SNX29: variants seen among roughly 807,000 people sequenced by gnomAD.
SNX29 encodes the protein sorting nexin 29.
Under a neutral mutation model 102.1 loss-of-function variants are expected in SNX29, and 78 were observed. That is an observed-to-expected ratio of 0.76 (90% confidence interval 0.64 to 0.92). The LOEUF is 0.92. Ranked by LOEUF, SNX29 falls within the 40% of genes least tolerant of loss-of-function variation. SNX29 has a pLI of 0.00. For missense variants in SNX29, 1,280 were observed against 1,061.7 expected (o/e 1.21, Z -2.86); for synonymous variants, 580 against 414.5 (o/e 1.40, Z -4.85).
At chr16:12,508,591 C>T (rs576902417) in intron 19 of SNX29, among the ~76,000 whole-genome samples, 1 of 152,350 alleles carries the variant, frequency 6.6e-6, no homozygotes, top group South Asian at 2.1e-4. Flanking sequence ...CAGAGCTGGC[C>T]CTGCGAGCTC....
chr16:12,536,047 C>G (rs1478545520), intron 20 of SNX29, among the ~76,000 whole-genome samples: 1 of 152,108 alleles, frequency 6.6e-6, no homozygotes, highest in Non-Finnish European at 1.5e-5. Context: ...TGCCCATGAG[C>G]TGAGCCCTTT....
intron 15 of SNX29, among the ~76,000 whole-genome samples, chr16:12,305,774 T>G (rs1330738182): frequency 1.3e-5 from 2 of 152,220 alleles, no homozygotes; most frequent in African/African-American, 4.8e-5. Context: ...ATTATAATTC[T>G]CTGGGCTTTG....
At chr16:12,106,413 C>T (rs547440675) in intron 11 of SNX29, among the ~76,000 whole-genome samples, 1 of 152,246 alleles carries the variant, frequency 6.6e-6, no homozygotes, top group South Asian at 2.1e-4. Context: ...ACGTGTCCAT[C>T]ACATGCACAT....
At chr16:12,563,511 C>G (rs1157495640) in intron 20 of SNX29, among the ~76,000 whole-genome samples, 1 of 152,266 alleles carries the variant, frequency 6.6e-6, no homozygotes, top group South Asian at 2.1e-4. Context: ...GAGACTCCTC[C>G]CCGCATGTGA....
At chr16:12,336,217 C>T (rs1331969824) in intron 15 of SNX29, among the ~76,000 whole-genome samples, 5 of 152,244 alleles carry the variant, frequency 3.3e-5, no homozygotes, top group Middle Eastern at 3.4e-3. Context: ...GTCTTCCAGC[C>T]TGTAGGGAGA....
At chr16:12,154,104 C>A (rs1016895622) in intron 13 of SNX29, among the ~76,000 whole-genome samples, 2 of 151,828 alleles carry the variant, frequency 1.3e-5, no homozygotes, top group Non-Finnish European at 2.9e-5. Flanking sequence ...TTGGGTTTTC[C>A]CTCTCTCCCT....
chr16:12,069,018 G>A (rs1371859306), intron 9 of SNX29, 39 bp from the exon 10 acceptor site: 1 of 1,598,268 alleles, frequency 6.3e-7, no homozygotes, highest in Non-Finnish European at 8.6e-7. Context: ...CATGTAGTGA[G>A]AAAAGTGACC....
At chr16:12,431,434 C>CTTTTTTTTT (rs200189537) in intron 18 of SNX29, among the ~76,000 whole-genome samples, 3 of 136,946 alleles carry the variant, frequency 2.2e-5, no homozygotes, top group Non-Finnish European at 3.2e-5. Flanking sequence ...TCTTCTTCTT[C>CTTTTTTTTT]TTTTTTTTTT....
In SNX29 at chr16:12,422,518, C is replaced by T. The variant is rs185052305; in HGVS notation, c.2037+18989C>T. Among the ~76,000 whole-genome samples, 1,103 of 152,368 alleles carry T rather than the reference C, an allele frequency of 7.2e-3. 14 individuals are homozygous for T. The highest frequency in any genetic ancestry group is 0.025 in the African/African-American group (1,051 of 41,586). The stretch of plus-strand genomic sequence containing the variant: ...AAGCAGCTTGTTTCCCTCTCAGCTT[C>T]TTCTGGCAAGTGAGATGCTTGAACT... On this transcript the variant is annotated intron_variant, in intron 18 of 20. Transcript: ENST00000566228.
chr16:12,329,727 G>C (rs955998785), intron 15 of SNX29, among the ~76,000 whole-genome samples: 1 of 152,226 alleles, frequency 6.6e-6, no homozygotes, highest in African/African-American at 2.4e-5. Context: ...CTCTGCTTCA[G>C]ATCACTCAGG....
intron 20 of SNX29, among the ~76,000 whole-genome samples, chr16:12,560,205 A>AG (rs1315217683): frequency 6.8e-6 from 1 of 146,216 alleles, no homozygotes; most frequent in African/African-American, 2.6e-5. Context: ...TGCTTGTAGA[A>AG]GAGCAACTAC....
chr16:12,220,109 G>A (rs535041863), intron 14 of SNX29, among the ~76,000 whole-genome samples: 2 of 152,316 alleles, frequency 1.3e-5, no homozygotes, highest in African/African-American at 2.4e-5. Flanking sequence ...TTAGTAAGAA[G>A]AACCCCCACC....
chr16:12,340,671 C>T (rs2081585674), intron 15 of SNX29, among the ~76,000 whole-genome samples: 1 of 152,174 alleles, frequency 6.6e-6, no homozygotes, highest in Admixed American at 6.6e-5. Context: ...ACTGCGAGAA[C>T]AGTCGGGAGG....
chr16:12,099,011 G>C (rs1405903215), intron 11 of SNX29, among the ~76,000 whole-genome samples: 3 of 152,148 alleles, frequency 2.0e-5, no homozygotes, highest in Non-Finnish European at 4.4e-5. Flanking sequence ...CTGGGGAGTG[G>C]GGACCTACTT....
chr16:12,157,916 C>T (rs2055622003), intron 13 of SNX29, among the ~76,000 whole-genome samples: 1 of 152,216 alleles, frequency 6.6e-6, no homozygotes, highest in South Asian at 2.1e-4. Context: ...GTCACCACCT[C>T]TGTGAAGGCG....
intron 20 of SNX29, among the ~76,000 whole-genome samples, chr16:12,537,015 G>A (rs1333523243): frequency 6.6e-6 from 1 of 152,164 alleles, no homozygotes; most frequent in Non-Finnish European, 1.5e-5. Flanking sequence ...TCAGGGCATG[G>A]GGGCCGGGGG....
chr16:12,251,986 C>A (rs1461837715), intron 14 of SNX29, among the ~76,000 whole-genome samples: 1 of 152,080 alleles, frequency 6.6e-6, no homozygotes, highest in Admixed American at 6.5e-5. Flanking sequence ...GTGTCGAACT[C>A]CTGGCCTCAA....
intron 20 of SNX29, among the ~76,000 whole-genome samples, chr16:12,554,869 A>C (rs2078227464): frequency 6.6e-6 from 1 of 152,174 alleles, no homozygotes; most frequent in Admixed American, 6.5e-5. Flanking sequence ...GAAAGAGGAC[A>C]AAGATATGTC....
At chr16:12,000,901 G>A (rs1168871674) in intron 2 of SNX29, among the ~76,000 whole-genome samples, 1 of 152,176 alleles carries the variant, frequency 6.6e-6, no homozygotes, top group Non-Finnish European at 1.5e-5. Flanking sequence ...TCACTTATCT[G>A]TGTATGGCTG....
Sources: gnomAD v4.1 joint callset for allele counts (sites outside exome capture counted in the v4.1 genomes callset) on GRCh38, gnomAD v4.1.1 for gene constraint, MANE v1.5 for transcripts, NCBI Gene and HGNC (gene_info 2026-07-23, HGNC 2026-07-21) for gene names.